Variants in CNTLN observed in about 807,000 individuals in gnomAD.
CNTLN encodes the protein centlein, centrosomal protein.
Under a neutral mutation model 180.0 loss-of-function variants are expected in CNTLN, and 212 were observed. That is an observed-to-expected ratio of 1.18 (90% CI 1.05 to 1.32). CNTLN has a LOEUF of 1.32. Among genes scored for constraint, CNTLN ranks in the 40% most tolerant of loss-of-function variants. The pLI, the probability that CNTLN is intolerant of heterozygous loss-of-function variation, is 0.00. For synonymous variants in CNTLN, 722 were observed against 563.1 expected (o/e 1.28, Z -3.99); for missense variants, 2,095 against 1,610.9 (o/e 1.30, Z -5.14).
At chr9:17,387,254 G>T (rs1236506438) in intron 13 of CNTLN, among the ~76,000 whole-genome samples, 1 of 152,042 alleles carries the variant, frequency 6.6e-6, no homozygotes, top group Non-Finnish European at 1.5e-5. Flanking sequence ...CAGCAGCCAA[G>T]CATACTTTAA....
At chr9:17,492,698 A>C (rs191689957) in intron 25 of CNTLN, among the ~76,000 whole-genome samples, 2 of 152,200 alleles carry the variant, frequency 1.3e-5, no homozygotes, top group African/African-American at 4.8e-5. Context: ...CACATTAAGC[A>C]TAGAGTTACC....
intron 15 of CNTLN, among the ~76,000 whole-genome samples, chr9:17,396,936 T>C (rs1826573996): frequency 6.6e-6 from 1 of 152,154 alleles, no homozygotes; most frequent in Non-Finnish European, 1.5e-5. Flanking sequence ...CTTCTTTCCT[T>C]CTCTCAATAG....
chr9:17,380,351 T>A (rs189609923), intron 13 of CNTLN, among the ~76,000 whole-genome samples: 2 of 152,290 alleles, frequency 1.3e-5, no homozygotes, highest in East Asian at 3.9e-4. Context: ...TAAGGAGGTT[T>A]CTCGAGAAAC....
intron 2 of CNTLN, among the ~76,000 whole-genome samples, chr9:17,202,324 G>A (rs1822588035): frequency 6.6e-6 from 1 of 152,138 alleles, no homozygotes; most frequent in African/African-American, 2.4e-5. Context: ...ATTTGGGGTG[G>A]AGGGTTCTGT....
At chr9:17,426,056 C>T (rs1371163797) in intron 18 of CNTLN, among the ~76,000 whole-genome samples, 1 of 152,138 alleles carries the variant, frequency 6.6e-6, no homozygotes, top group Admixed American at 6.6e-5. Context: ...GAATGTGAAC[C>T]AGGGACCTAA....
At chr9:17,301,546 T>G in intron 7 of CNTLN, 1 of 984,910 alleles carries the variant, frequency 1.0e-6, no homozygotes, top group Non-Finnish European at 1.2e-6. Flanking sequence ...GAGATTACCT[T>G]GGGGAGTGTG....
intron 25 of CNTLN, among the ~76,000 whole-genome samples, chr9:17,494,710 AG>A (rs1833353351): frequency 6.6e-6 from 1 of 152,050 alleles, no homozygotes; most frequent in Non-Finnish European, 1.5e-5. Flanking sequence ...AACCATCCTA[AG>A]GTTGTAGCAC....
intron 5 of CNTLN, among the ~76,000 whole-genome samples, chr9:17,257,821 GT>G: frequency 6.7e-6 from 1 of 148,426 alleles, no homozygotes; most frequent in African/African-American, 2.5e-5. Flanking sequence ...TTTTGATGGG[GT>G]TGTTTGTTTT....
intron 13 of CNTLN, among the ~76,000 whole-genome samples, chr9:17,371,603 C>T (rs184205178): frequency 6.6e-6 from 1 of 152,262 alleles, no homozygotes; most frequent in Non-Finnish European, 1.5e-5. Context: ...TTAATTTGTA[C>T]TGTAGACCAA....
intron 25 of CNTLN, among the ~76,000 whole-genome samples, chr9:17,488,498 G>C (rs1564147242): frequency 6.6e-6 from 1 of 152,062 alleles, no homozygotes; most frequent in African/African-American, 2.4e-5. Context: ...AATATGGCCT[G>C]TATTTATTTG....
intron 8 of CNTLN, among the ~76,000 whole-genome samples, chr9:17,325,350 G>A (rs1401577203): frequency 6.7e-6 from 1 of 148,954 alleles, no homozygotes; most frequent in East Asian, 2.0e-4. Context: ...CATTTCATGA[G>A]AAGAAAAGTG....
intron 5 of CNTLN, among the ~76,000 whole-genome samples, chr9:17,246,801 A>G (rs1449090692): frequency 6.6e-6 from 1 of 152,134 alleles, no homozygotes; most frequent in East Asian, 1.9e-4. Context: ...CAAGCCGAGA[A>G]GTCTCTCCAC....
At chr9:17,153,230 A>C (rs1055255433) in intron 2 of CNTLN, among the ~76,000 whole-genome samples, 7 of 152,308 alleles carry the variant, frequency 4.6e-5, no homozygotes, top group Non-Finnish European at 4.4e-5. Context: ...CCATTAGTTA[A>C]TGCAGTTTCT....
intron 15 of CNTLN, among the ~76,000 whole-genome samples, chr9:17,397,093 C>T (rs189763704): frequency 1.0e-3 from 155 of 152,256 alleles, no homozygotes; most frequent in Admixed American, 1.6e-3. Flanking sequence ...AAAGTGGTGC[C>T]ATTTACTTAT....
chr9:17,455,413 G>A (rs1257514215), intron 18 of CNTLN, among the ~76,000 whole-genome samples: 2 of 152,082 alleles, frequency 1.3e-5, no homozygotes, highest in African/African-American at 2.4e-5. Context: ...TTTTTATATT[G>A]TTAAATTGAA....
At chr9:17,452,914 C>T (rs952094187) in intron 18 of CNTLN, among the ~76,000 whole-genome samples, 8 of 152,032 alleles carry the variant, frequency 5.3e-5, no homozygotes, top group Non-Finnish European at 1.0e-4. Context: ...AGGCTTTTTG[C>T]TTGTCAGTTA....
intron 2 of CNTLN, among the ~76,000 whole-genome samples, chr9:17,215,853 G>T (rs558589406): frequency 8.5e-5 from 13 of 152,324 alleles, no homozygotes; most frequent in South Asian, 8.3e-4. Flanking sequence ...CTCTGAGCCA[G>T]GCGCGGGGTA....
rs540864111 is a variant in CNTLN at position 17,490,737 on chromosome 9, C to G, written c.4119+3671C>G. On this transcript the variant is annotated intron_variant, in intron 25 of 25. Transcript: ENST00000380647. ...GAGTTTTGCTATGTGAATTTTATCTCCACTTAAAACAGTTAACTCCTTGAT... is the reference window on the plus strand; with the variant it reads ...GAGTTTTGCTATGTGAATTTTATCTGCACTTAAAACAGTTAACTCCTTGAT... Among the ~76,000 whole-genome samples, 42 of 151,840 alleles carry G rather than the reference C, an allele frequency of 2.8e-4. 1 individual carries two copies. In the South Asian group the frequency reaches 4.2e-3, roughly 15 times the overall value.
At chr9:17,153,005 G>T (rs938157827) in intron 2 of CNTLN, among the ~76,000 whole-genome samples, 1 of 151,880 alleles carries the variant, frequency 6.6e-6, no homozygotes, top group East Asian at 1.9e-4. Context: ...CTTTCCATTT[G>T]CTTGGTAAAT....
Sources: gnomAD v4.1 joint callset for allele counts (sites outside exome capture counted in the v4.1 genomes callset) on GRCh38, gnomAD v4.1.1 for gene constraint, MANE v1.5 for transcripts, NCBI Gene and HGNC (gene_info 2026-07-23, HGNC 2026-07-21) for gene names.